TSC22D1: variants seen among roughly 807,000 people sequenced by gnomAD.
TSC22D1 encodes the protein TSC22 domain family protein 1.
TSC22D1 carries 9 observed loss-of-function variants against 74.2 expected under a neutral mutation model. That is an observed-to-expected ratio of 0.12 (90% CI 0.07 to 0.21). The LOEUF is 0.21. Ranked by LOEUF, TSC22D1 falls within the 10% of genes least tolerant of loss-of-function variation. The pLI, the probability that TSC22D1 is intolerant of heterozygous loss-of-function variation, is 1.00. For missense variants in TSC22D1, 1,427 were observed against 1,304.7 expected, an observed-to-expected ratio of 1.09 and a Z score of -1.44; for synonymous variants, 586 against 492.5, an observed-to-expected ratio of 1.19 and a Z score of -2.51.
At chr13:44,562,194 A>C (rs531543091) in intron 1 of TSC22D1, among the ~76,000 whole-genome samples, 1 of 152,098 alleles carries the variant, frequency 6.6e-6, no homozygotes, top group Non-Finnish European at 1.5e-5. Context: ...CGTGCACGCC[A>C]CCATGCCCAG....
chr13:44,550,794 T>C (rs1220890816), intron 1 of TSC22D1, among the ~76,000 whole-genome samples: 1 of 150,846 alleles, frequency 6.6e-6, no homozygotes, highest in Non-Finnish European at 1.5e-5. Context: ...AATTTAATAT[T>C]AGCCAAGTGT....
chr13:44,529,071 C>T (rs146042226), intron 1 of TSC22D1, among the ~76,000 whole-genome samples: 17 of 152,130 alleles, frequency 1.1e-4, no homozygotes, highest in Non-Finnish European at 1.9e-4. Flanking sequence ...AAACAGTAAA[C>T]AATTCCTAGC....
intron 1 of TSC22D1, chr13:44,538,645 TTCA>T: frequency 1.0e-6 from 1 of 985,362 alleles, no homozygotes; most frequent in Non-Finnish European, 1.2e-6. Context: ...AAAAGATTAT[TTCA>T]TTATTTGGGC....
chr13:44,499,890 C>T (rs1879145620), intron 1 of TSC22D1, among the ~76,000 whole-genome samples: 1 of 151,774 alleles, frequency 6.6e-6, no homozygotes, highest in African/African-American at 2.4e-5. Context: ...AGTTGAAGAC[C>T]AGCCTGGCCT....
chr13:44,462,003 A>C (rs1008230019), intron 1 of TSC22D1, among the ~76,000 whole-genome samples: 1 of 152,222 alleles, frequency 6.6e-6, no homozygotes, highest in Non-Finnish European at 1.5e-5. Flanking sequence ...AGGAAGGCAA[A>C]AGCAGAGACC....
At chr13:44,438,094 A>C (rs1874886782) in intron 1 of TSC22D1, among the ~76,000 whole-genome samples, 1 of 152,232 alleles carries the variant, frequency 6.6e-6, no homozygotes, top group Non-Finnish European at 1.5e-5. Flanking sequence ...CTAAGCCCTG[A>C]AGTTTGCTAA....
chr13:44,498,008 C>T (rs968337774), intron 1 of TSC22D1, among the ~76,000 whole-genome samples: 3 of 151,918 alleles, frequency 2.0e-5, no homozygotes, highest in Non-Finnish European at 2.9e-5. Flanking sequence ...TCCTGTCACT[C>T]CTCCCCTTCC....
chr13:44,533,032 G>GT (rs1368071387), intron 1 of TSC22D1, among the ~76,000 whole-genome samples: 1 of 152,106 alleles, frequency 6.6e-6, no homozygotes, highest in Non-Finnish European at 1.5e-5. Context: ...AAAGAGTGTG[G>GT]TATTAGAAAC....
At chr13:44,481,468 G>A (rs919496877) in intron 1 of TSC22D1, among the ~76,000 whole-genome samples, 5 of 152,198 alleles carry the variant, frequency 3.3e-5, no homozygotes, top group Non-Finnish European at 7.3e-5. Flanking sequence ...AACACAGGAA[G>A]GAATGAGCTA....
chr13:44,466,809 G>A (rs1268049541), intron 1 of TSC22D1, among the ~76,000 whole-genome samples: 2 of 151,662 alleles, frequency 1.3e-5, no homozygotes, highest in East Asian at 3.9e-4. Flanking sequence ...AGATTCCTGA[G>A]CCCAATGTCA....
At chr13:44,437,387 A>G in intron 1 of TSC22D1, 1 of 357,638 alleles carries the variant, frequency 2.8e-6, no homozygotes, top group South Asian at 1.1e-4. Context: ...AAAGATAATA[A>G]TCACCCTGCA....
At chr13:44,517,333 AACACAC>A (rs3046042) in intron 1 of TSC22D1, among the ~76,000 whole-genome samples, 30 of 148,792 alleles carry the variant, frequency 2.0e-4, no homozygotes, top group South Asian at 8.6e-4. Flanking sequence ...ACAAAAACAA[AACACAC>A]ACACACACAC....
rs1804591 is a variant in TSC22D1, at chr13:44,433,841, G to A, written c.*785C>T. On this transcript the variant is annotated 3_prime_UTR_variant, in exon 3 of 3. Coordinates refer to ENST00000458659, the MANE Select transcript of TSC22D1 (RefSeq NM_183422.4). ...CTTTAGGTGTGGTTTTTGTCATGTAGCAGTTTTTATGTAGATCTATATATA... is the reference window on the plus strand; with the variant it reads ...CTTTAGGTGTGGTTTTTGTCATGTAACAGTTTTTATGTAGATCTATATATA... The A allele has an allele frequency of 1.4e-6, 1 of 725,246 alleles. No homozygotes were observed. The highest frequency in any genetic ancestry group is 1.9e-5 in the African/African-American group (1 of 53,230). The allele number at this position is 725,246 out of a possible 1,614,324, so 44.9% of individuals were successfully genotyped here.
At chr13:44,537,016 C>T (rs913836031) in intron 1 of TSC22D1, 3 of 951,660 alleles carry the variant, frequency 3.2e-6, no homozygotes, top group Non-Finnish European at 3.7e-6. Context: ...GAGAAAGACA[C>T]AGAAAATTAA....
At chr13:44,557,682 AT>A (rs1421069078) in intron 1 of TSC22D1, among the ~76,000 whole-genome samples, 44 of 152,354 alleles carry the variant, frequency 2.9e-4, no homozygotes, top group African/African-American at 9.6e-4. Flanking sequence ...GATTCATAAA[AT>A]GTGCTATTAT....
chr13:44,556,186 GAAAT>G (rs962329910), intron 1 of TSC22D1, among the ~76,000 whole-genome samples: 11 of 150,888 alleles, frequency 7.3e-5, no homozygotes, highest in African/African-American at 1.5e-4. Context: ...AGTGAATCAG[GAAAT>G]AAATAATGGA....
chr13:44,540,246 G>A (rs1881386067), intron 1 of TSC22D1, among the ~76,000 whole-genome samples: 1 of 152,132 alleles, frequency 6.6e-6, no homozygotes, highest in Non-Finnish European at 1.5e-5. Flanking sequence ...TTAAGGGACA[G>A]GGAAAAGGCA....
intron 1 of TSC22D1, among the ~76,000 whole-genome samples, chr13:44,563,119 AT>A: frequency 6.6e-6 from 1 of 152,150 alleles, no homozygotes; most frequent in East Asian, 1.9e-4. Context: ...AAAAAAAAAA[AT>A]TAAATTGCCA....
intron 1 of TSC22D1, among the ~76,000 whole-genome samples, chr13:44,528,201 T>C (rs1447466016): frequency 6.6e-6 from 1 of 152,062 alleles, no homozygotes; most frequent in Non-Finnish European, 1.5e-5. Flanking sequence ...CAGGATCTAA[T>C]TGACATCTAT....
Sources: allele counts gnomAD v4.1 joint callset (sites outside exome capture counted in the v4.1 genomes callset), GRCh38; gene constraint gnomAD v4.1.1; transcripts MANE v1.5; gene names NCBI Gene and HGNC (gene_info 2026-07-23, HGNC 2026-07-21).